Variants in PARN observed in about 807,000 individuals in gnomAD.
PARN encodes poly(A)-specific ribonuclease, also known as poly(A)-specific ribonuclease PARN.
PARN carries 71 observed loss-of-function variants against 102.8 expected under a neutral mutation model. The ratio of observed to expected loss-of-function variants is 0.69; its 90% confidence interval spans 0.57 to 0.84. The LOEUF (loss-of-function observed/expected upper bound fraction) is 0.84, where lower values mean the gene tolerates loss of function less well. PARN is among the 40% of genes least tolerant of loss of function. The probability of loss-of-function intolerance (pLI) is 0.00; values close to 1 mark genes in which losing one functional copy is unlikely to be tolerated. For synonymous variants in PARN, 261 were observed against 252.9 expected (o/e 1.03, Z -0.30); for missense variants, 782 against 760.9 (o/e 1.03, Z -0.33).
intron 22 of PARN, among the ~76,000 whole-genome samples, chr16:14,467,261 G>T (rs912528181): frequency 6.6e-6 from 1 of 152,154 alleles, no homozygotes; most frequent in Non-Finnish European, 1.5e-5. Context: ...ACCAGAAGGA[G>T]AAGAAATGGG....
chr16:14,527,107 C>T (rs747286624), intron 21 of PARN, among the ~76,000 whole-genome samples: 23 of 152,248 alleles, frequency 1.5e-4, no homozygotes, highest in Non-Finnish European at 3.4e-4. Context: ...CTAGGCCCAA[C>T]AGACCTAACT....
chr16:14,613,036 G>A (rs914609588), intron 6 of PARN, among the ~76,000 whole-genome samples: 11 of 151,636 alleles, frequency 7.3e-5, no homozygotes, highest in East Asian at 2.0e-4. Flanking sequence ...GGGACGGGGC[G>A]CGGTGGCTCA....
In PARN at chr16:14,463,841, G is replaced by C. The variant is rs916256332; in HGVS notation, c.1671-16760C>G. Among the ~76,000 whole-genome samples the C allele has an allele frequency of 5.6e-5, 8 of 142,626 alleles. 1 individual carries two copies. Among genetic ancestry groups the C allele is most frequent in the African/African-American group, 1.6e-4 (6 of 37,848 alleles). The allele number at this position is 142,626 out of a possible 152,430, so 93.6% of individuals were successfully genotyped here. A position where few individuals can be genotyped will look rare whatever the true frequency, so the allele number is the denominator to read the frequency against. On this transcript the variant is annotated intron_variant, in intron 22 of 23. Transcript: ENST00000437198. ...AAAAAGTCCAAACTTTTTTTTTTGG[G>C]GGGGGGGGGACGACAAGGTCTCACT...
intron 11 of PARN, among the ~76,000 whole-genome samples, chr16:14,603,105 G>A (rs867647896): frequency 6.6e-6 from 1 of 151,940 alleles, no homozygotes; most frequent in South Asian, 2.1e-4. Flanking sequence ...TGTATTTTTT[G>A]TAGAGATGGG....
intron 21 of PARN, among the ~76,000 whole-genome samples, chr16:14,526,077 C>T (rs1300908035): frequency 6.6e-6 from 1 of 152,032 alleles, no homozygotes; most frequent in Non-Finnish European, 1.5e-5. Context: ...CTCAGCCTCC[C>T]AAAGTGCTGG....
At position 14,627,347 on chromosome 16, in the gene PARN, G is replaced by A. The variant is rs1972740076; in HGVS notation, c.178-11C>T. On this transcript the variant is annotated splice_polypyrimidine_tract_variant and intron_variant, in intron 3 of 23. Transcript: ENST00000437198. Reference sequence around the variant, plus strand: ...AAAGTCCATGGAATGCTGGAAAAGGGAAATAAAACATCTGTCACAAAAGTG... The same window carrying A: ...AAAGTCCATGGAATGCTGGAAAAGGAAAATAAAACATCTGTCACAAAAGTG... 1.9e-6 allele frequency: 3 copies of A among 1,572,146 alleles called. No individual in the cohort carries two copies. The highest frequency in any genetic ancestry group is 1.7e-6 in the Non-Finnish European group (2 of 1,156,192).
intron 12 of PARN, among the ~76,000 whole-genome samples, chr16:14,599,210 T>C (rs1970730521): frequency 6.6e-6 from 1 of 151,990 alleles, no homozygotes; most frequent in South Asian, 2.1e-4. Flanking sequence ...ACCTGGCTAA[T>C]TTTTGTATTT....
intron 18 of PARN, chr16:14,558,250 CG>C (rs1278230084): frequency 2.0e-5 from 3 of 152,174 alleles, no homozygotes; most frequent in African/African-American, 7.2e-5. Context: ...CTGGCCAACA[CG>C]GTGAAACCCT....
chr16:14,465,976 T>A (rs973752735), intron 22 of PARN, among the ~76,000 whole-genome samples: 1 of 152,104 alleles, frequency 6.6e-6, no homozygotes, highest in East Asian at 1.9e-4. Flanking sequence ...AAGCGGAGAA[T>A]GACAGGCACT....
intron 22 of PARN, among the ~76,000 whole-genome samples, chr16:14,465,184 C>G (rs763576189): frequency 8.5e-5 from 13 of 152,154 alleles, no homozygotes; most frequent in Non-Finnish European, 1.6e-4. Context: ...CCTCCTGCCT[C>G]AGCTTCCCGA....
intron 22 of PARN, among the ~76,000 whole-genome samples, chr16:14,463,224 A>C (rs1312084022): frequency 6.6e-6 from 1 of 152,220 alleles, no homozygotes; most frequent in Non-Finnish European, 1.5e-5. Flanking sequence ...CAAACTACAA[A>C]AGTAAGACCT....
chr16:14,498,234 T>G (rs1450905916), intron 21 of PARN, among the ~76,000 whole-genome samples: 2 of 151,756 alleles, frequency 1.3e-5, no homozygotes, highest in Non-Finnish European at 2.9e-5. Context: ...AAGAGAATGA[T>G]GGGCAGCCAG....
At chr16:14,486,655 G>A (rs912097802) in intron 21 of PARN, among the ~76,000 whole-genome samples, 6 of 152,166 alleles carry the variant, frequency 3.9e-5, no homozygotes, top group Non-Finnish European at 2.9e-5. Flanking sequence ...TGGCCTCCAC[G>A]TGGCAATAAT....
intron 23 of PARN, among the ~76,000 whole-genome samples, chr16:14,441,883 T>G (rs1343280233): frequency 6.6e-6 from 1 of 152,218 alleles, no homozygotes; most frequent in East Asian, 1.9e-4. Context: ...AATTAGGTTC[T>G]AAATTTTTAT....
At chr16:14,624,661 G>A (rs1388034358) in intron 5 of PARN, among the ~76,000 whole-genome samples, 2 of 152,234 alleles carry the variant, frequency 1.3e-5, no homozygotes, top group African/African-American at 2.4e-5. Context: ...GCTTACGCCT[G>A]TAACCCTAGC....
intron 6 of PARN, among the ~76,000 whole-genome samples, chr16:14,616,684 C>T (rs994981891): frequency 1.3e-5 from 2 of 151,854 alleles, no homozygotes; most frequent in Non-Finnish European, 2.9e-5. Flanking sequence ...GTCAAGGCTC[C>T]GGTGAGCTAT....
intron 18 of PARN, among the ~76,000 whole-genome samples, chr16:14,562,771 A>G (rs895618270): frequency 9.2e-5 from 14 of 152,234 alleles, no homozygotes; most frequent in Admixed American, 9.2e-4. Context: ...AAAGATTAGC[A>G]AACACTTGAG....
Position 14,545,057 on chromosome 16 carries a change from G to A in PARN, c.1480+6964C>T, listed in dbSNP as rs182109696. 7.2e-5 allele frequency among the ~76,000 whole-genome samples: 11 copies of A among 152,072 alleles called. No individual in the cohort carries two copies. In the East Asian group the frequency reaches 1.7e-3, roughly 24 times the overall value. ...ACAAAAATTAGCCAGGCATCCTAGCGTGTGTCTGCAGTCCCAGCTACTCAG... is the reference window on the plus strand; with the variant it reads ...ACAAAAATTAGCCAGGCATCCTAGCATGTGTCTGCAGTCCCAGCTACTCAG... On this transcript the variant is annotated intron_variant, in intron 21 of 23. Transcript: ENST00000437198.
chr16:14,566,840 G>A (rs1264412724), intron 18 of PARN, among the ~76,000 whole-genome samples: 2 of 152,212 alleles, frequency 1.3e-5, no homozygotes, highest in Non-Finnish European at 2.9e-5. Context: ...CCAAGTACAG[G>A]TTGCTGGGTG....
Sources: allele counts gnomAD v4.1 joint callset (sites outside exome capture counted in the v4.1 genomes callset), GRCh38; gene constraint gnomAD v4.1.1; transcripts MANE v1.5; gene names NCBI Gene and HGNC (gene_info 2026-07-23, HGNC 2026-07-21).